Variants in ZNF469 observed in about 807,000 individuals in gnomAD.
ZNF469 encodes zinc finger protein 469.
A neutral mutation model predicts 1.0 loss-of-function variants in ZNF469; 1 was observed. The ratio of observed to expected loss-of-function variants is 1.00; its 90% CI spans 0.35 to 4.73. The LOEUF is 4.73. ZNF469 is among the 30% of genes most tolerant of loss of function. The pLI is 0.16. For missense variants in ZNF469, 6,100 were observed against 5,356.3 expected, an observed-to-expected ratio of 1.14 and a Z score of -4.33; for synonymous variants, 2,703 against 2,363.4, an observed-to-expected ratio of 1.14 and a Z score of -4.17.
In ZNF469 at chr16:88,437,885, G is replaced by A; in HGVS notation, c.10415G>A (p.Ser3472Asn). 2.6e-6 allele frequency: 4 copies of A among 1,539,912 alleles called. No homozygotes were observed. The highest frequency in any genetic ancestry group is 2.5e-5 in the East Asian group (1 of 40,612). Reference sequence around the variant, plus strand: ...CGGGCCCTCGAGGGCACACTGCCCAGCAAACGGCGCAGGGTGGCCATGCCC... The same window carrying A: ...CGGGCCCTCGAGGGCACACTGCCCAACAAACGGCGCAGGGTGGCCATGCCC... ...KARALEGTLP[S>N]KRRRVAMPGS... Residue 3472 changes from serine to asparagine, a missense_variant, in exon 3 of 3, where the codon AGC becomes AAC. Ser to Asn is a conservative substitution (Grantham distance 46). Transcript: ENST00000565624.
At chr16:88,178,404 CACTCCGACGTTCTG>C in the ZNF469 span, 1 of 152,336 alleles carries the variant, frequency 6.6e-6, no homozygotes, top group East Asian at 1.9e-4. Flanking sequence ...GAGAACTGAG[CACTCCGACGTTCTG>C]AGAACTGGGC....
At chr16:88,398,182 T>G (rs1904744139) in intron 1 of ZNF469, among the ~76,000 whole-genome samples, 1 of 152,144 alleles carries the variant, frequency 6.6e-6, no homozygotes, top group South Asian at 2.1e-4. Flanking sequence ...CTCTTTAGAG[T>G]GGCAGGTGGG....
chr16:88,412,770 A>G (rs541303749), intron 1 of ZNF469, among the ~76,000 whole-genome samples: 2 of 152,330 alleles, frequency 1.3e-5, no homozygotes, highest in African/African-American at 2.4e-5. Context: ...ACGCTCACAC[A>G]CCATAAACCA....
At chr16:88,368,162 C>T in the ZNF469 span, among the ~76,000 whole-genome samples, 1 of 152,236 alleles carries the variant, frequency 6.6e-6, no homozygotes, top group Admixed American at 6.5e-5. Flanking sequence ...TCACTGCTGC[C>T]CAGGGGCAAG....
the ZNF469 span, among the ~76,000 whole-genome samples, chr16:88,204,608 G>A: frequency 6.6e-6 from 1 of 152,214 alleles, no homozygotes; most frequent in Non-Finnish European, 1.5e-5. Context: ...TTTCAAAATG[G>A]TTGTGAGCCG....
chr16:88,425,414 G>A (rs773486092), intron 2 of ZNF469, among the ~76,000 whole-genome samples: 63 of 152,148 alleles, frequency 4.1e-4, no homozygotes, highest in Non-Finnish European at 8.8e-5. Context: ...CCCAGTGGGT[G>A]TCTGGGCCAT....
Position 88,438,069 on chromosome 16 carries a change from C to G in ZNF469, c.10599C>G (p.Pro3533=), listed in dbSNP as rs78022634. ...AGACCCTAGAGAGGCCTGTAGACCC[C>G]GTGACCCACCCGATCAGAGGTTGTG... The part of the protein sequence containing the change: ...WPETLERPVD[P]VTHPIRGCEL... The change falls in exon 3 of 3, where the codon CCC becomes CCG. Residue 3533 remains proline (P), a synonymous_variant. Transcript: ENST00000565624. The G allele has an allele frequency of 1.3e-6, 2 of 1,550,294 alleles. No individual in the cohort carries two copies. Among genetic ancestry groups the G allele is most frequent in the Non-Finnish European group, 1.7e-6 (2 of 1,146,974 alleles).
the ZNF469 span, among the ~76,000 whole-genome samples, chr16:88,150,951 C>G: frequency 0.23 from 34,526 of 151,926 alleles, 4,577 homozygotes; most frequent in East Asian, 0.52. Flanking sequence ...GAAGGGGTTT[C>G]GAGCCATGGA....
At chr16:88,351,024 G>T in the ZNF469 span, among the ~76,000 whole-genome samples, 1 of 152,222 alleles carries the variant, frequency 6.6e-6, no homozygotes, top group Non-Finnish European at 1.5e-5. Flanking sequence ...GCAGCAAGGC[G>T]ACCTGCCGCG....
chr16:88,257,769 C>T, the ZNF469 span, among the ~76,000 whole-genome samples: 1 of 152,158 alleles, frequency 6.6e-6, no homozygotes, highest in Non-Finnish European at 1.5e-5. Context: ...GTAACTTGGA[C>T]AAAGCACACA....
the ZNF469 span, among the ~76,000 whole-genome samples, chr16:88,256,078 T>C: frequency 6.6e-6 from 1 of 152,232 alleles, no homozygotes; most frequent in Non-Finnish European, 1.5e-5. Flanking sequence ...TGCTCTGTCA[T>C]ACATCAGGGT....
At chr16:88,283,023 TA>T in the ZNF469 span, among the ~76,000 whole-genome samples, 553 of 152,286 alleles carry the variant, frequency 3.6e-3, 1 homozygote, top group African/African-American at 0.013. Context: ...GCCAATGCAT[TA>T]GGTCAAGAAG....
the ZNF469 span, among the ~76,000 whole-genome samples, chr16:88,271,737 A>G: frequency 1.3e-5 from 2 of 151,562 alleles, no homozygotes; most frequent in Non-Finnish European, 1.5e-5. Flanking sequence ...CTGACCATCA[A>G]GAACTCAACA....
chr16:88,382,623 A>G (rs12931298), upstream of ZNF469, among the ~76,000 whole-genome samples: 72,955 of 152,128 alleles, frequency 0.48, 17,942 homozygotes, highest in African/African-American at 0.58. Flanking sequence ...AAGCACAGGG[A>G]CAAGCGTGTC....
chr16:88,195,328 C>G, the ZNF469 span: 2 of 152,230 alleles, frequency 1.3e-5, no homozygotes, highest in Non-Finnish European at 2.9e-5. Context: ...ACATGCATGA[C>G]CTGCAGCCTC....
At position 88,427,872 on chromosome 16, in the gene ZNF469, C is replaced by T. The variant is rs569036398; in HGVS notation, c.402C>T (p.Asp134=). The change falls in exon 3 of 3, where the codon GAC becomes GAT. Residue 134 remains aspartate, a synonymous_variant. Coordinates refer to ENST00000565624, the MANE Select transcript of ZNF469 (RefSeq NM_001367624.2). The part of the protein sequence containing the change: ...IASSRTKPTL[D]ETPENPQLEA... ...GCTCGAGGACCAAGCCCACCCTGGA[C>T]GAGACACCAGAGAACCCACAGCTGG... is the stretch of plus-strand genomic sequence containing the variant. 4.6e-4 allele frequency: 718 copies of T among 1,549,626 alleles called. 10 individuals carry two copies. The South Asian group carries it at 5.6e-3, about 12-fold the overall frequency.
At chr16:88,138,116 G>C in the ZNF469 span, among the ~76,000 whole-genome samples, 1 of 152,148 alleles carries the variant, frequency 6.6e-6, no homozygotes, top group Non-Finnish European at 1.5e-5. Context: ...AAACTATCAA[G>C]GTGTGTTGAA....
chr16:88,329,289 A>G, the ZNF469 span, among the ~76,000 whole-genome samples: 1 of 152,224 alleles, frequency 6.6e-6, no homozygotes, highest in African/African-American at 2.4e-5. Flanking sequence ...GAGAACACGG[A>G]GAAGCCCCGT....
chr16:88,211,724 C>T, the ZNF469 span, among the ~76,000 whole-genome samples: 21 of 152,250 alleles, frequency 1.4e-4, no homozygotes, highest in Admixed American at 9.2e-4. Flanking sequence ...TGGATTTTTC[C>T]TCCAACCGTC....
Sources: allele counts gnomAD v4.1 joint callset (sites outside exome capture counted in the v4.1 genomes callset), GRCh38; gene constraint gnomAD v4.1.1; transcripts MANE v1.5; gene names NCBI Gene and HGNC (gene_info 2026-07-23, HGNC 2026-07-21).